Variants in NEURL1 observed in about 807,000 individuals in gnomAD.
NEURL1 encodes the protein neuralized E3 ubiquitin protein ligase 1, also known as E3 ubiquitin-protein ligase NEURL1.
In NEURL1, 26 loss-of-function variants were observed where a neutral mutation model predicts 41.2. The observed-to-expected ratio is 0.63, with a 90% CI of 0.46 to 0.87. The LOEUF (loss-of-function observed/expected upper bound fraction) is 0.87, where lower values mean the gene tolerates loss of function less well. NEURL1 is among the 40% of genes least tolerant of loss of function. The probability of loss-of-function intolerance (pLI) is 0.00; values close to 1 mark genes in which losing one functional copy is unlikely to be tolerated. For missense variants in NEURL1, 761 were observed against 871.1 expected (o/e 0.87, Z 1.59); for synonymous variants, 400 against 402.3 (o/e 0.99, Z 0.07).
intron 1 of NEURL1, among the ~76,000 whole-genome samples, chr10:103,555,038 C>T (rs1041795681): frequency 1.3e-5 from 2 of 152,130 alleles, no homozygotes; most frequent in Non-Finnish European, 2.9e-5. Context: ...CAGGAAGCCT[C>T]CAGTCTCCTC....
intron 1 of NEURL1, among the ~76,000 whole-genome samples, chr10:103,498,320 C>T (rs534104060): frequency 9.9e-5 from 15 of 152,176 alleles, no homozygotes; most frequent in Non-Finnish European, 7.4e-5. Flanking sequence ...CTCCGCCTCC[C>T]GGGTTCACGC....
chr10:103,501,171 C>G (rs994290836), intron 1 of NEURL1, among the ~76,000 whole-genome samples: 3 of 152,122 alleles, frequency 2.0e-5, no homozygotes, highest in Non-Finnish European at 4.4e-5. Flanking sequence ...TCTTGGAGGG[C>G]CTATGATATT....
chr10:103,589,760 G>A, intron 5 of NEURL1, 100 bp downstream of exon 5: 1 of 1,475,388 alleles, frequency 6.8e-7, no homozygotes, highest in Non-Finnish European at 9.1e-7. Flanking sequence ...AGCTGGAGTT[G>A]GGCTCAGTAA....
chr10:103,525,725 G>T lies in NEURL1; in HGVS notation c.85+31253G>T, dbSNP rs531250075. 2.8e-4 allele frequency among the ~76,000 whole-genome samples: 42 copies of T among 152,242 alleles called. No individual in the cohort carries two copies. In the East Asian group the frequency reaches 7.7e-3, roughly 28 times the overall value. ...ATCTGACTTCCTGTTGTCTAATATG[G>T]ATGCTCTTTATTTTTTTCTCTTCCT... On this transcript the variant is annotated intron_variant, in intron 1 of 5. Transcript: ENST00000369780.
chr10:103,504,833 T>C (rs1048321348), intron 1 of NEURL1, among the ~76,000 whole-genome samples: 2 of 152,166 alleles, frequency 1.3e-5, no homozygotes, highest in African/African-American at 4.8e-5. Flanking sequence ...TAGGGAGCTA[T>C]AAGGGGGGAA....
Position 103,558,639 on chromosome 10 carries a change from A to C in NEURL1, c.86-12233A>C, listed in dbSNP as rs1355887296. Among the ~76,000 whole-genome samples, 3 of 151,950 alleles carry C rather than the reference A, an allele frequency of 2.0e-5. No individual in the cohort carries two copies. Among genetic ancestry groups the C allele is most frequent in the African/African-American group, 4.8e-5 (2 of 41,336 alleles). Reference sequence around the variant, plus strand: ...TGAATTCCCATTTGGAAAATGGTTTAAGCGGTTACACGCTTGATCTCTTCC... The same window carrying C: ...TGAATTCCCATTTGGAAAATGGTTTCAGCGGTTACACGCTTGATCTCTTCC... On this transcript the variant is annotated intron_variant, in intron 1 of 5. Transcript: ENST00000369780. The surrounding 1 kb of genome is among the most constrained non-coding windows in gnomAD (Gnocchi z 4.2).
chr10:103,584,377 T>G (rs543313922), intron 3 of NEURL1, among the ~76,000 whole-genome samples, 159 bp from the exon 4 acceptor site: 86 of 152,196 alleles, frequency 5.7e-4, no homozygotes, highest in African/African-American at 2.0e-3. Context: ...CCTGCAAGAG[T>G]CGTTTCTTGA....
chr10:103,585,051 G>T lies in NEURL1; in HGVS notation c.1165G>T (p.Val389Leu), dbSNP rs374768261. 6.3e-7 allele frequency: 1 copy of T among 1,589,464 alleles called. No individual in the cohort carries two copies. Among genetic ancestry groups the T allele is most frequent in the Non-Finnish European group, 8.5e-7 (1 of 1,175,970 alleles). Residue 389 changes from valine (V) to leucine (L), a missense_variant, in exon 4 of 6, where the codon GTG (valine) becomes TTG (leucine). By Grantham distance (32) the Val-to-Leu change is conservative (BLOSUM62 1). Around this residue, in one of 5 missense-constraint regions of NEURL1, gnomAD observed 443 missense variants for 408.1 expected, o/e 1.09. Coordinates refer to ENST00000369780, the MANE Select transcript of NEURL1 (RefSeq NM_004210.5). ...DRKEFWAVCR[V>L]PGPLHSGDIL... is the part of the protein sequence containing the mutation. ...CAAGGAATTCTGGGCCGTGTGCCGCGTGCCCGGGCCCCTGCACAGCGGCGA... is the reference window on the plus strand; with the variant it reads ...CAAGGAATTCTGGGCCGTGTGCCGCTTGCCCGGGCCCCTGCACAGCGGCGA...
At chr10:103,510,149 A>G (rs1436489690) in intron 1 of NEURL1, among the ~76,000 whole-genome samples, 1 of 152,144 alleles carries the variant, frequency 6.6e-6, no homozygotes, top group African/African-American at 2.4e-5. Flanking sequence ...TGGGAGGCCC[A>G]GGCTCCAGCC....
intron 1 of NEURL1, chr10:103,555,147 GGTGTGCGTGCTGC>G (rs1221665119): frequency 4.7e-6 from 1 of 210,644 alleles, no homozygotes; most frequent in African/African-American, 2.4e-5. Context: ...CGGCCGGAGG[GGTGTGCGTGCTGC>G]GTGCGCGTGT....
chr10:103,508,907 A>G lies in NEURL1; in HGVS notation c.85+14435A>G, dbSNP rs1228441655. Among the ~76,000 whole-genome samples the G allele has an allele frequency of 6.6e-6, 1 of 152,156 alleles. No individual in the cohort carries two copies. Among genetic ancestry groups the G allele is most frequent in the Non-Finnish European group, 1.5e-5 (1 of 68,040 alleles). On this transcript the variant is annotated intron_variant, in intron 1 of 5. Transcript: ENST00000369780. The surrounding 1 kb of genome is among the most constrained non-coding windows in gnomAD (Gnocchi z 4.3). The stretch of plus-strand genomic sequence containing the variant: ...AAGTTGAGGTTGTGTTAAAGAAACC[A>G]AATACAGGGTCAGGTGCGGTGGCTC...
At chr10:103,552,665 A>G (rs1473509674) in intron 1 of NEURL1, among the ~76,000 whole-genome samples, 2 of 152,228 alleles carry the variant, frequency 1.3e-5, no homozygotes, top group Non-Finnish European at 2.9e-5. Flanking sequence ...CGCGAGAGCT[A>G]GGACCTGCCA....
intron 1 of NEURL1, among the ~76,000 whole-genome samples, chr10:103,569,734 T>G (rs1215435867): frequency 3.3e-5 from 5 of 152,198 alleles, no homozygotes; most frequent in African/African-American, 1.2e-4. Flanking sequence ...ATTCCCGTCT[T>G]GTCTCCTTGG....
At chr10:103,505,613 C>T (rs999528615) in intron 1 of NEURL1, among the ~76,000 whole-genome samples, 1 of 152,216 alleles carries the variant, frequency 6.6e-6, no homozygotes, top group African/African-American at 2.4e-5. Flanking sequence ...GATCCTCCCA[C>T]CTTAGCCTCC....
chr10:103,585,334 C>T lies in NEURL1; in HGVS notation c.1339+109C>T, dbSNP rs1592243838. 7.7e-6 allele frequency: 8 copies of T among 1,034,078 alleles called. 2 individuals carry two copies. The Admixed American group carries it at 2.5e-4, about 32-fold the overall frequency. 64.1% of individuals were successfully genotyped at this position (1,034,078 alleles called of 1,614,324 possible). ...TTCCTCCAGGCTCATGATGGTGTTGCTAAGGAATCACAGACACCTAAGGTG... is the reference window on the plus strand; with the variant it reads ...TTCCTCCAGGCTCATGATGGTGTTGTTAAGGAATCACAGACACCTAAGGTG... On this transcript the variant is annotated intron_variant, in intron 4 of 5. Transcript: ENST00000369780.
intron 3 of NEURL1, among the ~76,000 whole-genome samples, chr10:103,578,957 C>T (rs542318652): frequency 2.6e-5 from 4 of 152,324 alleles, no homozygotes; most frequent in South Asian, 2.1e-4. Flanking sequence ...GCAAGCCAGG[C>T]GGCTGCAGGC....
At chr10:103,584,408 C>G in intron 3 of NEURL1, 128 bp from the exon 4 acceptor site, 1 of 500,760 alleles carries the variant, frequency 2.0e-6, no homozygotes. Flanking sequence ...TAATTTATGT[C>G]ACAAGCATCG....
At chr10:103,501,728 GTTCAAGTGA>G (rs1229020846) in intron 1 of NEURL1, among the ~76,000 whole-genome samples, 1 of 151,796 alleles carries the variant, frequency 6.6e-6, no homozygotes. Context: ...TGCCTCCCGG[GTTCAAGTGA>G]TTCTCCTGCC....
At chr10:103,587,973 T>G (rs1214426363) in intron 4 of NEURL1, among the ~76,000 whole-genome samples, 1 of 152,140 alleles carries the variant, frequency 6.6e-6, no homozygotes, top group Non-Finnish European at 1.5e-5. Flanking sequence ...TGTTAGGATT[T>G]GTAGGAGAGT....
Sources: allele counts gnomAD v4.1 joint callset (sites outside exome capture counted in the v4.1 genomes callset), GRCh38; gene constraint gnomAD v4.1.1; regional missense constraint gnomAD v4.1.1; non-coding constraint Gnocchi (gnomAD v3.1); transcripts MANE v1.5; gene names NCBI Gene and HGNC (gene_info 2026-07-23, HGNC 2026-07-21).